Variants in CDH13 observed in about 807,000 individuals in gnomAD.
CDH13 encodes the protein cadherin-13.
In CDH13, 24 loss-of-function variants were observed where a neutral mutation model predicts 63.8. That is an observed-to-expected ratio of 0.38 (90% confidence interval 0.27 to 0.53). The LOEUF (loss-of-function observed/expected upper bound fraction) is 0.53. Among genes scored for constraint, CDH13 ranks in the 20% least tolerant of loss-of-function variants. The probability of loss-of-function intolerance (pLI) is 0.85; values close to 1 mark genes in which losing one functional copy is unlikely to be tolerated. For missense variants in CDH13, 1,049 were observed against 903.1 expected (o/e 1.16, Z -2.07); for synonymous variants, 503 against 355.3 (o/e 1.42, Z -4.67).
intron 1 of CDH13, chr16:82,639,424 C>T (rs2150883771): frequency 1.3e-6 from 2 of 1,535,554 alleles, no homozygotes; most frequent in East Asian, 2.4e-5. Context: ...GAATGGCCCA[C>T]AGATGCCTGG....
chr16:82,932,619 A>C (rs529537298), intron 2 of CDH13, among the ~76,000 whole-genome samples: 6 of 152,284 alleles, frequency 3.9e-5, no homozygotes, highest in Admixed American at 1.3e-4. Flanking sequence ...TTACTGAAAA[A>C]ATGTGTTTTT....
At chr16:82,943,905 G>A (rs371839143) in intron 2 of CDH13, among the ~76,000 whole-genome samples, 8 of 152,142 alleles carry the variant, frequency 5.3e-5, no homozygotes, top group Admixed American at 2.0e-4. Flanking sequence ...TTTACAATTA[G>A]CAGCTTCAGC....
At chr16:83,404,842 C>A (rs1013727080) in intron 6 of CDH13, among the ~76,000 whole-genome samples, 1 of 152,118 alleles carries the variant, frequency 6.6e-6, no homozygotes, top group Non-Finnish European at 1.5e-5. Flanking sequence ...ATCTGTCGGA[C>A]GCCGTGTATA....
chr16:83,139,313 C>G (rs186124095), intron 4 of CDH13, among the ~76,000 whole-genome samples: 23 of 152,318 alleles, frequency 1.5e-4, no homozygotes, highest in Non-Finnish European at 3.2e-4. Context: ...TTACTTTAGT[C>G]CTTCCTTGCT....
At chr16:83,520,187 T>C (rs908658097) in intron 7 of CDH13, among the ~76,000 whole-genome samples, 3 of 152,150 alleles carry the variant, frequency 2.0e-5, no homozygotes, top group Admixed American at 1.3e-4. Flanking sequence ...AGTCAATGAC[T>C]AGAGGTAAAC....
chr16:82,906,100 A>C (rs1211036718), intron 2 of CDH13, among the ~76,000 whole-genome samples: 1 of 152,224 alleles, frequency 6.6e-6, no homozygotes. Flanking sequence ...CTACCTGTAC[A>C]TCTATCTCTC....
chr16:83,626,276 C>G (rs556218100), intron 8 of CDH13, among the ~76,000 whole-genome samples: 15 of 152,230 alleles, frequency 9.9e-5, no homozygotes, highest in African/African-American at 3.6e-4. Flanking sequence ...GCTAGAGGCC[C>G]CGAGGAATGC....
At chr16:83,427,897 C>G (rs1474535538) in intron 6 of CDH13, among the ~76,000 whole-genome samples, 1 of 152,204 alleles carries the variant, frequency 6.6e-6, no homozygotes, top group African/African-American at 2.4e-5. Flanking sequence ...GTTCCTTGGA[C>G]CCAGGCAAAG....
chr16:82,951,551 G>C (rs1434987923), intron 2 of CDH13, among the ~76,000 whole-genome samples: 1 of 152,146 alleles, frequency 6.6e-6, no homozygotes, highest in South Asian at 2.1e-4. Flanking sequence ...CGAGACCACG[G>C]CATGAGCTCA....
chr16:83,445,888 G>T (rs1428528715), intron 6 of CDH13, among the ~76,000 whole-genome samples: 1 of 152,086 alleles, frequency 6.6e-6, no homozygotes, highest in African/African-American at 2.4e-5. Context: ...TACAAACCAC[G>T]CCGAACAACA....
intron 7 of CDH13, among the ~76,000 whole-genome samples, chr16:83,492,621 T>C (rs1484616825): frequency 6.6e-6 from 1 of 152,204 alleles, no homozygotes; most frequent in Non-Finnish European, 1.5e-5. Context: ...CCTATGCTAA[T>C]TGCACTTGCT....
chr16:83,139,941 G>T (rs2036458635), intron 4 of CDH13, among the ~76,000 whole-genome samples: 1 of 152,158 alleles, frequency 6.6e-6, no homozygotes, highest in African/African-American at 2.4e-5. Flanking sequence ...GGCAGAAGTT[G>T]TGGTGAGCCA....
intron 3 of CDH13, 87 bp downstream of exon 3, chr16:83,032,305 A>C (rs367975473): frequency 1.0e-6 from 1 of 960,346 alleles, no homozygotes; most frequent in East Asian, 2.6e-5. Flanking sequence ...TTAATTTATT[A>C]TGTTGGCTAA....
chr16:82,779,563 GA>G, intron 1 of CDH13, among the ~76,000 whole-genome samples: 1 of 152,296 alleles, frequency 6.6e-6, no homozygotes, highest in African/African-American at 2.4e-5. Context: ...CGGAGCGGGA[GA>G]AGGCAAAGGA....
intron 8 of CDH13, among the ~76,000 whole-genome samples, chr16:83,661,563 T>C (rs1168348179): frequency 6.6e-6 from 1 of 152,226 alleles, no homozygotes; most frequent in East Asian, 1.9e-4. Context: ...CTGTCAGTCT[T>C]CAGTGGCCAT....
intron 6 of CDH13, among the ~76,000 whole-genome samples, chr16:83,452,839 T>C (rs575341925): frequency 5.3e-5 from 8 of 152,328 alleles, no homozygotes; most frequent in Non-Finnish European, 1.0e-4. Context: ...AGGAGAAATC[T>C]CTTTCTCATA....
chr16:83,713,580 A>G (rs1381281159), intron 10 of CDH13, among the ~76,000 whole-genome samples: 14 of 152,156 alleles, frequency 9.2e-5, no homozygotes. Flanking sequence ...ACCTCTCACA[A>G]ATGGTATGTT....
chr16:83,666,423 G>A (rs982768023), intron 8 of CDH13, among the ~76,000 whole-genome samples: 1 of 152,254 alleles, frequency 6.6e-6, no homozygotes, highest in East Asian at 1.9e-4. Context: ...TGTGTTGAAT[G>A]TTTTCCATAT....
At chr16:83,587,517 A>G (rs1034453334) in intron 7 of CDH13, among the ~76,000 whole-genome samples, 2 of 152,120 alleles carry the variant, frequency 1.3e-5, no homozygotes, top group South Asian at 2.1e-4. Context: ...GCAGAACGCA[A>G]TTTTTAGCCT....
Sources: allele counts gnomAD v4.1 joint callset (sites outside exome capture counted in the v4.1 genomes callset), GRCh38; gene constraint gnomAD v4.1.1; transcripts MANE v1.5; gene names NCBI Gene and HGNC (gene_info 2026-07-23, HGNC 2026-07-21).